The following AFF2 variants were observed in gnomAD, a reference collection of about 807,000 sequenced individuals.
AFF2 encodes ALF transcription elongation factor 2, also known as AF4/FMR2 family member 2.
In AFF2, 14 loss-of-function variants were observed where a neutral mutation model predicts 76.9. That is an observed-to-expected ratio of 0.18 (90% confidence interval 0.12 to 0.28). AFF2 has a LOEUF of 0.28. AFF2 is among the 10% of genes least tolerant of loss of function. The pLI, the probability that AFF2 is intolerant of heterozygous loss-of-function variation, is 1.00. For missense variants in AFF2, 868 were observed against 1,001.1 expected (o/e 0.87, Z 1.79); for synonymous variants, 398 against 366.7 (o/e 1.09, Z -0.98).
intron 20 of AFF2, among the ~76,000 whole-genome samples, chrX:148,988,122 G>A (rs2072495219): frequency 8.9e-6 from 1 of 112,129 alleles, no homozygotes; most frequent in Non-Finnish European, 1.9e-5. Context: ...AGAGGACCCT[G>A]CTTTACCAGA....
At chrX:148,652,382 C>CAACA (rs2054211545) in intron 2 of AFF2, among the ~76,000 whole-genome samples, 1 of 111,325 alleles carries the variant, frequency 9.0e-6, no homozygotes, top group Non-Finnish European at 1.9e-5. Flanking sequence ...CCAATGAGCC[C>CAACA]CTCTCTGCCC....
At chrX:148,912,121 C>A (rs899321185) in intron 9 of AFF2, among the ~76,000 whole-genome samples, 1 of 112,468 alleles carries the variant, frequency 8.9e-6, no homozygotes, top group Non-Finnish European at 1.9e-5. Flanking sequence ...TTATCCTAAG[C>A]AAAGTAATGC....
intron 7 of AFF2, among the ~76,000 whole-genome samples, chrX:148,869,584 G>T (rs916083904): frequency 1.3e-4 from 15 of 111,689 alleles, no homozygotes; most frequent in African/African-American, 4.9e-4. Flanking sequence ...TAGCTGTCAG[G>T]GCTGTAAATA....
intron 1 of AFF2, among the ~76,000 whole-genome samples, chrX:148,563,606 C>A (rs1459062496): frequency 1.3e-4 from 15 of 111,964 alleles, no homozygotes; most frequent in Non-Finnish European, 2.4e-4. Flanking sequence ...ATTTGCTATG[C>A]TTTATGCTTA....
chrX:148,627,323 A>G (rs2053936111), intron 1 of AFF2, among the ~76,000 whole-genome samples: 1 of 112,345 alleles, frequency 8.9e-6, no homozygotes, highest in South Asian at 3.7e-4. Context: ...ATGTAGAAGA[A>G]ACGTTTTTCG....
At chrX:148,651,892 G>A (rs2054205625) in intron 1 of AFF2, 107 bp from the exon 2 acceptor site, 1 of 714,594 alleles carries the variant, frequency 1.4e-6, no homozygotes, top group South Asian at 3.2e-5. Context: ...AACTTGGGCA[G>A]CAAGTTGACT....
chrX:148,854,883 G>A lies in AFF2; in HGVS notation c.1262+11450G>A, dbSNP rs146063729. Among the ~76,000 whole-genome samples, 663 of 111,002 alleles carry A rather than the reference G, an allele frequency of 6.0e-3. 5 individuals are homozygous for A. The highest frequency in any genetic ancestry group is 0.013 in the South Asian group (34 of 2,580). On this transcript the variant is annotated intron_variant, in intron 7 of 20. Transcript: ENST00000370460. ...GGACTTTTGTTGTTGTTGTTATTGG[G>A]CCTTTTTCTTTTCTTTATTTTTTTC...
At chrX:148,867,368 G>A (rs1410096083) in intron 7 of AFF2, among the ~76,000 whole-genome samples, 1 of 112,066 alleles carries the variant, frequency 8.9e-6, no homozygotes, top group Non-Finnish European at 1.9e-5. Flanking sequence ...GAGCATCTGT[G>A]CACCAGTCTG....
chrX:148,714,095 T>A (rs2055000435), intron 3 of AFF2, among the ~76,000 whole-genome samples: 1 of 112,153 alleles, frequency 8.9e-6, no homozygotes, highest in Admixed American at 9.5e-5. Flanking sequence ...TCCTGCAGTG[T>A]TATAAAAAAT....
chrX:148,828,111 T>C (rs1557273071), intron 4 of AFF2, among the ~76,000 whole-genome samples: 1 of 112,126 alleles, frequency 8.9e-6, no homozygotes. Context: ...GGTCATTGGA[T>C]GTAGTTGACG....
rs189735476 is a variant in AFF2 at position 148,538,203 on chromosome X, A to G, written c.47+37059A>G. Among the ~76,000 whole-genome samples, 6 of 112,918 alleles carry G rather than the reference A, an allele frequency of 5.3e-5. 1 individual carries two copies. Among genetic ancestry groups the G allele is most frequent in the Admixed American group, 2.8e-4 (3 of 10,719 alleles). On this transcript the variant is annotated intron_variant, in intron 1 of 20. Coordinates refer to ENST00000370460, the MANE Select transcript of AFF2 (RefSeq NM_002025.4). ...TAAAATCAAGCAAAATTATGAGGAC[A>G]TGTATTGGATGTTTCCCTGTGTGTA... is the stretch of plus-strand genomic sequence containing the variant.
At chrX:148,646,403 T>A (rs1557255396) in intron 1 of AFF2, among the ~76,000 whole-genome samples, 1 of 111,700 alleles carries the variant, frequency 9.0e-6, no homozygotes, top group Non-Finnish European at 1.9e-5. Context: ...TTGGGAGGTC[T>A]GCCTGACTTA....
At chrX:148,896,057 G>A (rs1364092430) in intron 8 of AFF2, among the ~76,000 whole-genome samples, 1 of 111,585 alleles carries the variant, frequency 9.0e-6, no homozygotes, top group Non-Finnish European at 1.9e-5. Context: ...GAATCCCCAA[G>A]CCTAGCCTTC....
intron 3 of AFF2, among the ~76,000 whole-genome samples, chrX:148,736,777 G>T (rs1557265121): frequency 8.9e-6 from 1 of 111,763 alleles, no homozygotes; most frequent in African/African-American, 3.3e-5. Flanking sequence ...AATCCATCTT[G>T]TGTTGATTTT....
At chrX:148,790,575 A>G (rs2069879035) in intron 3 of AFF2, among the ~76,000 whole-genome samples, 1 of 110,781 alleles carries the variant, frequency 9.0e-6, no homozygotes, top group Non-Finnish European at 1.9e-5. Flanking sequence ...ATCCTCTGCA[A>G]AGTAACACAG....
rs190290313 is a variant in AFF2 at position 148,864,111 on chromosome X, G to A, written c.1262+20678G>A. On this transcript the variant is annotated intron_variant, in intron 7 of 20. Transcript: ENST00000370460. ...TGAGCAAGTCGTCATCATTTGGTGC[G>A]TGGCTGATGAGAGATATTTAACTCA... Among the ~76,000 whole-genome samples, 11 of 111,732 alleles carry A rather than the reference G, an allele frequency of 9.8e-5. No individual in the cohort carries two copies. In the East Asian group the frequency reaches 2.8e-3, roughly 29 times the overall value.
chrX:148,574,679 A>C (rs1011647544), intron 1 of AFF2, among the ~76,000 whole-genome samples: 1 of 111,329 alleles, frequency 9.0e-6, no homozygotes, highest in Non-Finnish European at 1.9e-5. Context: ...CTTGTGCTTC[A>C]TGAAGATGAT....
intron 1 of AFF2, among the ~76,000 whole-genome samples, chrX:148,516,628 G>T (rs1374927618): frequency 8.9e-6 from 1 of 111,859 alleles, no homozygotes; most frequent in Admixed American, 9.5e-5. Context: ...GTAACCTTGA[G>T]AAGTAGTAGG....
rs1557257981 is a variant in AFF2 at position 148,662,651 on chromosome X, A to G, written c.924A>G (p.Ser308=). 1.5e-5 allele frequency: 18 copies of G among 1,210,381 alleles called. No homozygotes were observed. The highest frequency in any genetic ancestry group is 1.9e-5 in the Non-Finnish European group (17 of 895,355). ...APDISPTLKP[S]IEFENSFGNL... is the part of the protein sequence containing the mutation. ...ACATCTCACCAACACTGAAACCTTC[A>G]ATTGAATTTGAGAACAGCTTTGGGA... The change falls in exon 3 of 21, where the codon TCA becomes TCG. Residue 308 remains serine, a synonymous_variant. Transcript: ENST00000370460.
Sources: allele counts gnomAD v4.1 joint callset (sites outside exome capture counted in the v4.1 genomes callset), GRCh38; gene constraint gnomAD v4.1.1; transcripts MANE v1.5; gene names NCBI Gene and HGNC (gene_info 2026-07-23, HGNC 2026-07-21).